TPM4: variants seen among roughly 807,000 people sequenced by gnomAD.
TPM4 encodes the protein tropomyosin 4.
A neutral mutation model predicts 35.8 loss-of-function variants in TPM4; 17 were observed. The observed-to-expected ratio is 0.47, with a 90% confidence interval of 0.32 to 0.71. The LOEUF (loss-of-function observed/expected upper bound fraction) is 0.71, where lower values mean the gene tolerates loss of function less well. Ranked by LOEUF, TPM4 falls within the 30% of genes least tolerant of loss-of-function variation. The pLI, the probability that TPM4 is intolerant of heterozygous loss-of-function variation, is 0.03. For missense variants in TPM4, 240 were observed against 320.9 expected (o/e 0.75, Z 1.93); for synonymous variants, 120 against 122.9 (o/e 0.98, Z 0.15).
intron 7 of TPM4, among the ~76,000 whole-genome samples, chr19:16,096,505 T>C (rs1364169037): frequency 1.3e-5 from 2 of 152,228 alleles, no homozygotes; most frequent in African/African-American, 2.4e-5. Context: ...GAATGGGGCT[T>C]GAGCTACAGA....
chr19:16,075,578 AGG>A, upstream of TPM4: 1 of 156,384 alleles, frequency 6.4e-6, no homozygotes, highest in East Asian at 1.9e-4. Context: ...AGGCAGAAAG[AGG>A]GCAGGCGTAT....
At chr19:16,089,614 C>T (rs1167874153) in intron 5 of TPM4, among the ~76,000 whole-genome samples, 1 of 152,096 alleles carries the variant, frequency 6.6e-6, no homozygotes, top group Non-Finnish European at 1.5e-5. Context: ...ATTCTTGCTC[C>T]TGCTTTTGCA....
intron 7 of TPM4, among the ~76,000 whole-genome samples, chr19:16,098,451 A>AAAAAG (rs975134027): frequency 1.7e-4 from 26 of 152,156 alleles, no homozygotes; most frequent in Admixed American, 5.9e-4. Flanking sequence ...CGCCTCAAAA[A>AAAAAG]AAAAGAAAAG....
At chr19:16,086,973 G>C (rs1436429413) in intron 3 of TPM4, among the ~76,000 whole-genome samples, 1 of 152,080 alleles carries the variant, frequency 6.6e-6, no homozygotes, top group Non-Finnish European at 1.5e-5. Flanking sequence ...CCCCAGGATG[G>C]CTCTTTCAGT....
intron 7 of TPM4, among the ~76,000 whole-genome samples, chr19:16,099,123 A>T (rs1453968453): frequency 6.6e-6 from 1 of 151,532 alleles, no homozygotes; most frequent in Non-Finnish European, 1.5e-5. Context: ...TCTGTCACCC[A>T]GGCTGGAGGG....
chr19:16,078,749 G>A (rs1374101375), intron 1 of TPM4, among the ~76,000 whole-genome samples: 1 of 147,050 alleles, frequency 6.8e-6, no homozygotes, highest in Non-Finnish European at 1.5e-5. Flanking sequence ...AAAAGTTCTT[G>A]AAAAAGCAAA....
intron 2 of TPM4, among the ~76,000 whole-genome samples, chr19:16,069,634 G>C (rs1845279137): frequency 6.8e-6 from 1 of 147,758 alleles, no homozygotes; most frequent in Non-Finnish European, 1.5e-5. Flanking sequence ...GTGTGGGTGA[G>C]TGTGTGTTTC....
chr19:16,081,736 C>T, intron 1 of TPM4, 177 bp from the exon 2 acceptor site: 1 of 779,254 alleles, frequency 1.3e-6, no homozygotes. Flanking sequence ...TTTTCCCAGA[C>T]ATTTTCCGGG....
intron 7 of TPM4, chr19:16,095,579 C>T: frequency 9.9e-7 from 1 of 1,012,492 alleles, no homozygotes; most frequent in Non-Finnish European, 1.2e-6. Context: ...TTAACCATAG[C>T]CTGAAACACA....
At chr19:16,071,808 GCTTC>G (rs1555706305), upstream of TPM4, among the ~76,000 whole-genome samples, 122 of 152,252 alleles carry the variant, frequency 8.0e-4, 2 homozygotes, top group Admixed American at 4.8e-3. Flanking sequence ...CAGCCCGGCC[GCTTC>G]CTGCCCACTC....
At chr19:16,073,980 G>GCA (rs1203038061), upstream of TPM4, among the ~76,000 whole-genome samples, 462 of 59,990 alleles carry the variant, frequency 7.7e-3, no homozygotes, top group Middle Eastern at 0.023. Context: ...AAAAAATAAT[G>GCA]CACACACACA....
intron 1 of TPM4, 142 bp downstream of exon 1, chr19:16,076,839 A>C: frequency 1.3e-5 from 16 of 1,239,062 alleles, no homozygotes; most frequent in East Asian, 1.0e-4. Flanking sequence ...GCCGACCCAC[A>C]TCCCTGCGCC....
At chr19:16,089,211 A>G in intron 5 of TPM4, 91 bp downstream of exon 5, 1 of 1,541,930 alleles carries the variant, frequency 6.5e-7, no homozygotes. Flanking sequence ...GTTATGGGGA[A>G]TCTGCCCTTT....
At chr19:16,076,409 C>G, upstream of TPM4, 3 of 1,362,346 alleles carry the variant, frequency 2.2e-6, no homozygotes, top group Non-Finnish European at 2.8e-6. Context: ...GTGACCTCAT[C>G]GCCCCGACGG....
chr19:16,086,659 C>T (rs951350115), intron 3 of TPM4, 119 bp downstream of exon 3: 6 of 770,538 alleles, frequency 7.8e-6, no homozygotes, highest in African/African-American at 1.7e-5. Context: ...TGTCCTCCTG[C>T]GTGAACATAT....
At chr19:16,087,938 G>T in intron 3 of TPM4, 89 bp from the exon 4 acceptor site, 2 of 1,373,012 alleles carry the variant, frequency 1.5e-6, no homozygotes, top group Non-Finnish European at 2.0e-6. Flanking sequence ...AGGGGTCTGG[G>T]TGGGGCATCA....
At position 16,082,912 on chromosome 19, in the gene TPM4, A is replaced by G. The variant is rs113339016; in HGVS notation, c.266+866A>G. Among the ~76,000 whole-genome samples, 796 of 145,768 alleles carry G rather than the reference A, an allele frequency of 5.5e-3. 5 individuals are homozygous for G. Among genetic ancestry groups the G allele is most frequent in the African/African-American group, 0.018 (718 of 38,990 alleles). The stretch of plus-strand genomic sequence containing the variant: ...GAGGCTGAGGTGGGAGGATCACTTG[A>G]CCCCAAGAGTTTGAAGCTGCAGTGA... On this transcript the variant is annotated intron_variant, in intron 2 of 7. Transcript: ENST00000643579.
In TPM4 at chr19:16,078,065, G is replaced by A. The variant is rs553848819; in HGVS notation, c.132+1368G>A. Reference sequence around the variant, plus strand: ...TGGGATTACAAGCGTGAGCCACGGCGCCCAGCCTCAATTGTGTTTTCTCTG... The same window carrying A: ...TGGGATTACAAGCGTGAGCCACGGCACCCAGCCTCAATTGTGTTTTCTCTG... On this transcript the variant is annotated intron_variant, in intron 1 of 7. Transcript: ENST00000643579. 36 of 398,162 alleles carry A rather than the reference G, an allele frequency of 9.0e-5. No homozygotes were observed. In the East Asian group the frequency reaches 1.1e-3, roughly 13 times the overall value. 24.7% of individuals were successfully genotyped at this position (398,162 alleles called of 1,614,324 possible).
chr19:16,079,484 G>A (rs910797112), intron 1 of TPM4, among the ~76,000 whole-genome samples: 1 of 152,172 alleles, frequency 6.6e-6, no homozygotes, highest in African/African-American at 2.4e-5. Flanking sequence ...CGTTTCTTAA[G>A]ACAGTTTCAT....
Sources: gnomAD v4.1 joint callset for allele counts (sites outside exome capture counted in the v4.1 genomes callset) on GRCh38, gnomAD v4.1.1 for gene constraint, MANE v1.5 for transcripts, NCBI Gene and HGNC (gene_info 2026-07-23, HGNC 2026-07-21) for gene names.